The following POU2F3 variants were observed in gnomAD, a reference collection of about 807,000 sequenced individuals.
The protein encoded by POU2F3 is POU class 2 homeobox 3.
Under a neutral mutation model 59.2 loss-of-function variants are expected in POU2F3, and 23 were observed. The ratio of observed to expected loss-of-function variants is 0.39; its 90% CI spans 0.28 to 0.55. The LOEUF is 0.55. POU2F3 is among the 20% of genes least tolerant of loss of function. POU2F3 has a pLI of 0.66. For missense variants in POU2F3, 473 were observed against 544.5 expected (o/e 0.87, Z 1.31); for synonymous variants, 190 against 214.6 (o/e 0.89, Z 1.00).
At chr11:120,284,277 C>G (rs766783800) in intron 3 of POU2F3, among the ~76,000 whole-genome samples, 1 of 152,194 alleles carries the variant, frequency 6.6e-6, no homozygotes, top group Non-Finnish European at 1.5e-5. Flanking sequence ...CTGGGGGCCA[C>G]GAATGCCCAT....
chr11:120,240,125 C>T, upstream of POU2F3: 1 of 1,172,442 alleles, frequency 8.5e-7, no homozygotes, highest in Non-Finnish European at 1.1e-6. Flanking sequence ...CCCCGCGCCG[C>T]GTGCTCACCT....
intron 2 of POU2F3, among the ~76,000 whole-genome samples, chr11:120,260,594 C>T (rs1335799421): frequency 6.6e-6 from 1 of 152,218 alleles, no homozygotes; most frequent in East Asian, 1.9e-4. Context: ...TCACTTAATT[C>T]AAATTCTGTG....
At chr11:120,248,428 C>A (rs552953286) in intron 2 of POU2F3, among the ~76,000 whole-genome samples, 14 of 152,182 alleles carry the variant, frequency 9.2e-5, no homozygotes, top group Non-Finnish European at 1.9e-4. Context: ...GAGATGATGT[C>A]TCAAGCCCTT....
chr11:120,298,454 C>T, intron 4 of POU2F3, 64 bp downstream of exon 4: 2 of 1,594,374 alleles, frequency 1.3e-6, no homozygotes, highest in Non-Finnish European at 1.7e-6. Context: ...AAATGCTCGA[C>T]TTCCATGCTT....
chr11:120,311,553 A>G (rs868863518), intron 10 of POU2F3, among the ~76,000 whole-genome samples: 15 of 152,208 alleles, frequency 9.9e-5, no homozygotes, highest in African/African-American at 3.4e-4. Flanking sequence ...GGTAGATGGT[A>G]TTGCCATTTA....
chr11:120,276,678 A>G (rs1266479519), intron 3 of POU2F3, among the ~76,000 whole-genome samples: 1 of 152,170 alleles, frequency 6.6e-6, no homozygotes, highest in Admixed American at 6.5e-5. Flanking sequence ...AGTCTATAAT[A>G]ACCTCTCTCT....
intron 3 of POU2F3, among the ~76,000 whole-genome samples, chr11:120,294,262 C>G (rs1342929277): frequency 6.6e-6 from 1 of 152,192 alleles, no homozygotes; most frequent in East Asian, 1.9e-4. Flanking sequence ...GATCCTAAAC[C>G]AACAAAGCTT....
chr11:120,305,541 A>C, intron 7 of POU2F3, 103 bp from the exon 8 acceptor site: 1 of 1,502,786 alleles, frequency 6.7e-7, no homozygotes, highest in Non-Finnish European at 9.0e-7. Flanking sequence ...GCACTCAAAG[A>C]TTCAGGCTGG....
intron 3 of POU2F3, among the ~76,000 whole-genome samples, chr11:120,295,960 C>T (rs1941182048): frequency 6.6e-6 from 1 of 152,212 alleles, no homozygotes; most frequent in Admixed American, 6.5e-5. Flanking sequence ...ACCAGGGCTT[C>T]TTGGTGTTAT....
chr11:120,309,718 G>T (rs544146026), intron 10 of POU2F3, 132 bp downstream of exon 10: 260 of 1,097,500 alleles, frequency 2.4e-4, no homozygotes, highest in Middle Eastern at 5.9e-4. Flanking sequence ...ATAGAATATA[G>T]TATAAAGAAG....
chr11:120,238,930 G>A (rs547123225), upstream of POU2F3, among the ~76,000 whole-genome samples: 1 of 151,112 alleles, frequency 6.6e-6, no homozygotes, highest in South Asian at 2.1e-4. Context: ...ACAATGTACA[G>A]GTTTTGAGGA....
chr11:120,243,037 A>AG (rs1331594190), intron 1 of POU2F3, among the ~76,000 whole-genome samples: 1 of 152,118 alleles, frequency 6.6e-6, no homozygotes, highest in Non-Finnish European at 1.5e-5. Context: ...AGGTTGGGAA[A>AG]GGGGGGCTGA....
chr11:120,300,333 C>G (rs1164787097), intron 5 of POU2F3, among the ~76,000 whole-genome samples: 1 of 152,142 alleles, frequency 6.6e-6, no homozygotes, highest in African/African-American at 2.4e-5. Context: ...TCAAAATAAC[C>G]TTGTAAAGTA....
At chr11:120,308,462 A>G (rs997769515) in intron 9 of POU2F3, among the ~76,000 whole-genome samples, 6 of 152,122 alleles carry the variant, frequency 3.9e-5, no homozygotes, top group Non-Finnish European at 7.3e-5. Flanking sequence ...TAGGCTTTCT[A>G]GAGTGGCAAG....
intron 1 of POU2F3, among the ~76,000 whole-genome samples, chr11:120,242,514 T>C (rs1177706930): frequency 1.3e-5 from 2 of 152,316 alleles, no homozygotes; most frequent in East Asian, 1.9e-4. Flanking sequence ...CTGATCTTGA[T>C]AAATAGTACT....
intron 10 of POU2F3, among the ~76,000 whole-genome samples, chr11:120,311,432 A>G (rs1162539860): frequency 6.6e-6 from 1 of 151,668 alleles, no homozygotes; most frequent in African/African-American, 2.4e-5. Flanking sequence ...GGATTCAAGA[A>G]ATCCTTAGAA....
intron 5 of POU2F3, among the ~76,000 whole-genome samples, chr11:120,300,379 A>G (rs1182598411): frequency 6.6e-6 from 1 of 152,154 alleles, no homozygotes; most frequent in Non-Finnish European, 1.5e-5. Context: ...CCTACTGGGA[A>G]GTTCCAGAAC....
chr11:120,248,341 C>A (rs1368458880), intron 2 of POU2F3, among the ~76,000 whole-genome samples: 2 of 152,140 alleles, frequency 1.3e-5, no homozygotes, highest in Non-Finnish European at 2.9e-5. Flanking sequence ...GGCTGCATGA[C>A]CTGAAAATTT....
intron 2 of POU2F3, among the ~76,000 whole-genome samples, chr11:120,266,991 CCTT>C (rs1206682876): frequency 6.6e-6 from 1 of 152,136 alleles, no homozygotes; most frequent in East Asian, 1.9e-4. Flanking sequence ...GAACATTACT[CCTT>C]ATTAACCCAA....
Sources: gnomAD v4.1 joint callset for allele counts (sites outside exome capture counted in the v4.1 genomes callset) on GRCh38, gnomAD v4.1.1 for gene constraint, MANE v1.5 for transcripts, NCBI Gene and HGNC (gene_info 2026-07-23, HGNC 2026-07-21) for gene names.